CTBP2: variants seen among roughly 807,000 people sequenced by gnomAD.
CTBP2 encodes the protein C-terminal binding protein 2.
CTBP2 carries 30 observed loss-of-function variants against 80.3 expected under a neutral mutation model. The observed-to-expected ratio is 0.37, with a 90% CI of 0.28 to 0.51. The LOEUF is 0.51. CTBP2 is among the 20% of genes least tolerant of loss of function. CTBP2 has a pLI of 0.93. For missense variants in CTBP2, 1,212 were observed against 1,375.3 expected (o/e 0.88, Z 1.88); for synonymous variants, 594 against 587.4 (o/e 1.01, Z -0.16).
intron 2 of CTBP2, among the ~76,000 whole-genome samples, chr10:125,060,521 G>A (rs1197924278): frequency 1.3e-5 from 2 of 151,304 alleles, no homozygotes; most frequent in Admixed American, 6.6e-5. Context: ...TGTCTGTTGC[G>A]GCTTACCTGC....
At chr10:125,097,701 A>G (rs921272049) in intron 2 of CTBP2, among the ~76,000 whole-genome samples, 5 of 152,136 alleles carry the variant, frequency 3.3e-5, no homozygotes, top group African/African-American at 1.2e-4. Flanking sequence ...GTGAGCATGT[A>G]CATGTGCCTG....
chr10:125,069,523 CAGG>C (rs1845136460), intron 2 of CTBP2, among the ~76,000 whole-genome samples: 1 of 152,182 alleles, frequency 6.6e-6, no homozygotes, highest in Admixed American at 6.5e-5. Flanking sequence ...GAGGCTGAGG[CAGG>C]AGAACTGCCA....
intron 2 of CTBP2, among the ~76,000 whole-genome samples, chr10:125,083,138 C>T (rs1847430863): frequency 6.6e-6 from 1 of 152,188 alleles, no homozygotes; most frequent in Non-Finnish European, 1.5e-5. Context: ...CTGCAGAACA[C>T]GTGTTGGACT....
rs113105054 is a variant in CTBP2, at chr10:125,116,167, C to A, written c.-205-5074G>T. Among the ~76,000 whole-genome samples the A allele has an allele frequency of 6.5e-3, 987 of 152,268 alleles. 10 individuals are homozygous for A. Among genetic ancestry groups the A allele is most frequent in the African/African-American group, 0.021 (888 of 41,550 alleles). On this transcript the variant is annotated intron_variant, in intron 1 of 10. Coordinates refer to the CTBP2 transcript ENST00000337195. The stretch of plus-strand genomic sequence containing the variant: ...CCAGGCCCGAACCCAGCACTCAGCC[C>A]CCGCCCCACTGTTGCCCAAACCACC...
chr10:125,111,260 A>G (rs533643674), intron 1 of CTBP2, among the ~76,000 whole-genome samples, 167 bp from the exon 2 acceptor site: 2 of 152,338 alleles, frequency 1.3e-5, no homozygotes, highest in African/African-American at 4.8e-5. Flanking sequence ...TTAGTCACAC[A>G]CCAGATCAAA....
intron 1 of CTBP2, among the ~76,000 whole-genome samples, chr10:125,151,303 G>A (rs1418614701): frequency 6.6e-6 from 1 of 152,130 alleles, no homozygotes; most frequent in East Asian, 1.9e-4. Flanking sequence ...GCCTCGCCAG[G>A]CTTCAGGTGT....
chr10:125,044,044 C>T (rs1023449041), intron 2 of CTBP2, among the ~76,000 whole-genome samples: 2 of 152,138 alleles, frequency 1.3e-5, no homozygotes, highest in Non-Finnish European at 2.9e-5. Context: ...ATGAGTGGGG[C>T]GCAGACTTTC....
chr10:124,993,416 TAGA>T, intron 6 of CTBP2, 87 bp from the exon 9 acceptor site: 1 of 1,425,510 alleles, frequency 7.0e-7, no homozygotes, highest in Non-Finnish European at 9.5e-7. Context: ...CTTGGCCATG[TAGA>T]AAAGTAGCTA....
Position 125,003,012 on chromosome 10 carries a change from C to T in CTBP2, c.1926G>A (p.Val642=). 3.1e-6 allele frequency: 5 copies of T among 1,614,010 alleles called. No individual in the cohort carries two copies. Among genetic ancestry groups the T allele is most frequent in the Non-Finnish European group, 4.2e-6 (5 of 1,180,016 alleles). ...CGTTGTCATAGCCACTGCCTATCCG[C>T]ACGATCACTCTCAGGGCCTTGAACT... Residue 642 remains valine (V), a synonymous_variant, in exon 3 of 9, where the codon GTG becomes GTA. Coordinates refer to ENST00000309035, the MANE Select transcript of CTBP2 (RefSeq NM_022802.3).
intron 3 of CTBP2, among the ~76,000 whole-genome samples, chr10:125,037,633 T>G (rs981824790): frequency 6.6e-6 from 1 of 152,236 alleles, no homozygotes; most frequent in African/African-American, 2.4e-5. Context: ...ATGTAACAAC[T>G]AAACACAATG....
At chr10:125,140,927 G>A (rs1260202629) in intron 1 of CTBP2, among the ~76,000 whole-genome samples, 1 of 152,034 alleles carries the variant, frequency 6.6e-6, no homozygotes, top group Non-Finnish European at 1.5e-5. Flanking sequence ...ATCACTTGAG[G>A]TCAGGAGTTT....
At chr10:124,994,098 G>GT in intron 5 of CTBP2, 113 bp from the exon 8 acceptor site, 7 of 1,425,768 alleles carry the variant, frequency 4.9e-6, no homozygotes, top group Non-Finnish European at 6.7e-6. Flanking sequence ...GTGGTTTAAT[G>GT]TGTGTGCTGC....
intron 1 of CTBP2, among the ~76,000 whole-genome samples, chr10:125,122,232 T>G (rs1396690102): frequency 1.3e-5 from 2 of 152,254 alleles, no homozygotes; most frequent in Admixed American, 6.5e-5. Context: ...TTCTGCAGTT[T>G]GGAAAGAATG....
intron 1 of CTBP2, among the ~76,000 whole-genome samples, chr10:125,121,284 C>T (rs561248813): frequency 7.2e-4 from 109 of 152,242 alleles, no homozygotes; most frequent in Non-Finnish European, 1.2e-3. Flanking sequence ...GCGCCTGGCA[C>T]GCCAGAGGCA....
chr10:125,004,113 G>A (rs1954918468), intron 1 of CTBP2, among the ~76,000 whole-genome samples: 2 of 152,328 alleles, frequency 1.3e-5, no homozygotes, highest in East Asian at 1.9e-4. Flanking sequence ...ATTTCCTGGT[G>A]CTGCCAACAA....
intron 2 of CTBP2, among the ~76,000 whole-genome samples, chr10:125,099,424 T>G (rs1850258045): frequency 6.6e-6 from 1 of 152,164 alleles, no homozygotes. Flanking sequence ...TCAACTCTGC[T>G]TTCCTGACCA....
intron 2 of CTBP2, among the ~76,000 whole-genome samples, chr10:125,077,220 CTGAT>C (rs1846404223): frequency 6.6e-6 from 1 of 152,206 alleles, no homozygotes; most frequent in Non-Finnish European, 1.5e-5. Flanking sequence ...AAACAAGCCA[CTGAT>C]TGTGCAGAGC....
At chr10:125,083,858 G>A (rs1003887387) in intron 2 of CTBP2, among the ~76,000 whole-genome samples, 3 of 152,184 alleles carry the variant, frequency 2.0e-5, no homozygotes, top group African/African-American at 7.2e-5. Context: ...TGGGCTCACT[G>A]CAACCTCCGT....
Position 124,986,283 on chromosome 10 carries a change from G to GCA in CTBP2, c.*3234_*3235insTG, listed in dbSNP as rs1418013177. The GCA allele has an allele frequency of 1.1e-4, 5 of 45,374 alleles. No homozygotes were observed. Among genetic ancestry groups the GCA allele is most frequent in the African/African-American group, 1.6e-4 (3 of 18,598 alleles). 2.8% of individuals were successfully genotyped at this position (45,374 alleles called of 1,614,324 possible). A position where few individuals can be genotyped will look rare whatever the true frequency, so the allele number is the denominator to read the frequency against. The stretch of plus-strand genomic sequence containing the variant: ...ATTTGGAAAGACGACACACGCACGC[G>GCA]CGCGCGCGCACACACACACACACAC... On this transcript the variant is annotated 3_prime_UTR_variant, in exon 9 of 9. Coordinates refer to ENST00000309035, the MANE Select transcript of CTBP2 (RefSeq NM_022802.3).
Sources: allele counts gnomAD v4.1 joint callset (sites outside exome capture counted in the v4.1 genomes callset), GRCh38; gene constraint gnomAD v4.1.1; transcripts MANE v1.5; gene names NCBI Gene and HGNC (gene_info 2026-07-23, HGNC 2026-07-21).